The following ITGA2 variants were observed in gnomAD, a reference collection of about 807,000 sequenced individuals.
ITGA2 encodes the protein integrin alpha-2.
A neutral mutation model predicts 146.3 loss-of-function variants in ITGA2; 101 were observed. The observed-to-expected ratio is 0.69, with a 90% CI of 0.59 to 0.81. The LOEUF is 0.81. Ranked by LOEUF, ITGA2 falls within the 40% of genes least tolerant of loss-of-function variation. The pLI is 0.00. For synonymous variants in ITGA2, 477 were observed against 487.1 expected (o/e 0.98, Z 0.27); for missense variants, 1,281 against 1,402.7 (o/e 0.91, Z 1.39).
chr5:52,991,564 A>G (rs1740955533), intron 1 of ITGA2, among the ~76,000 whole-genome samples: 1 of 152,214 alleles, frequency 6.6e-6, no homozygotes, highest in Non-Finnish European at 1.5e-5. Flanking sequence ...TTCCTTGAGT[A>G]TACAATATGC....
intron 6 of ITGA2, among the ~76,000 whole-genome samples, chr5:53,049,115 G>T (rs10055919): frequency 0.11 from 16,978 of 151,866 alleles, 1,175 homozygotes; most frequent in African/African-American, 0.19. Context: ...GGGTTCAAGC[G>T]ATTCTTTTGC....
rs1745476205 is a variant in ITGA2 at position 53,073,101 on chromosome 5, C to T, written c.2430-17C>T. On this transcript the variant is annotated splice_polypyrimidine_tract_variant and intron_variant, in intron 19 of 29. Transcript: ENST00000296585. ...TAACAGTAATGGCTTTTCCCCCCTC[C>T]TTTTTACTTTTAACAGAGAACAACC... The T allele has an allele frequency of 6.2e-7, 1 of 1,610,634 alleles. No homozygotes were observed. Among genetic ancestry groups the T allele is most frequent in the African/African-American group, 1.3e-5 (1 of 74,712 alleles).
In ITGA2 at chr5:53,074,319, G is replaced by A. The variant is rs150573287; in HGVS notation, c.2572-66G>A. On this transcript the variant is annotated intron_variant, in intron 20 of 29. Transcript: ENST00000296585. ...AATGCCACTGTACCTCTTTTACCAG[G>A]TGCGTGCATACACACACAAATGTTG... The A allele has an allele frequency of 8.0e-5, 98 of 1,219,042 alleles. No homozygotes were observed. The African/African-American group carries it at 1.1e-3, about 13-fold the overall frequency. 75.5% of individuals were successfully genotyped at this position (1,219,042 alleles called of 1,614,324 possible).
At chr5:53,022,499 CTTAAA>C (rs1035103269) in intron 1 of ITGA2, among the ~76,000 whole-genome samples, 5 of 152,112 alleles carry the variant, frequency 3.3e-5, no homozygotes, top group Non-Finnish European at 7.4e-5. Context: ...AAAATTAATT[CTTAAA>C]TTATTGTTTC....
At chr5:53,068,527 T>C (rs887646080) in intron 16 of ITGA2, among the ~76,000 whole-genome samples, 3 of 151,912 alleles carry the variant, frequency 2.0e-5, no homozygotes, top group Admixed American at 6.6e-5. Flanking sequence ...TCAACCCTTA[T>C]GGTGATGCAC....
At chr5:53,023,241 T>C (rs765072205) in intron 1 of ITGA2, among the ~76,000 whole-genome samples, 10 of 152,220 alleles carry the variant, frequency 6.6e-5, no homozygotes, top group Non-Finnish European at 8.8e-5. Context: ...AAGCAACCTA[T>C]GACTCTCTGT....
chr5:53,047,560 T>A (rs1189220314), intron 4 of ITGA2, among the ~76,000 whole-genome samples: 1 of 152,144 alleles, frequency 6.6e-6, no homozygotes, highest in Non-Finnish European at 1.5e-5. Flanking sequence ...TGAACCTCAT[T>A]TGTGTTTGCT....
chr5:53,050,015 T>C (rs1361159444), intron 6 of ITGA2, among the ~76,000 whole-genome samples: 1 of 152,228 alleles, frequency 6.6e-6, no homozygotes, highest in Non-Finnish European at 1.5e-5. Flanking sequence ...GAAATTTCCC[T>C]GTGGGCATTT....
chr5:53,047,298 C>T (rs1336674891), intron 4 of ITGA2, among the ~76,000 whole-genome samples: 1 of 152,110 alleles, frequency 6.6e-6, no homozygotes, highest in African/African-American at 2.4e-5. Context: ...TTAGATTTCT[C>T]TTTTGCACTT....
chr5:53,065,522 A>G (rs1466043027), intron 14 of ITGA2, among the ~76,000 whole-genome samples: 1 of 151,870 alleles, frequency 6.6e-6, no homozygotes, highest in East Asian at 1.9e-4. Context: ...ATTTTGGAGT[A>G]AGACTGGAAG....
At chr5:53,066,114 C>A in intron 15 of ITGA2, 137 bp downstream of exon 15, 1 of 861,540 alleles carries the variant, frequency 1.2e-6, no homozygotes, top group Admixed American at 1.9e-5. Flanking sequence ...ATAGTTTGCA[C>A]AAAGGAATAA....
chr5:53,041,995 A>C (rs1743822224), intron 2 of ITGA2, 117 bp from the exon 3 acceptor site: 5 of 740,366 alleles, frequency 6.8e-6, no homozygotes, highest in African/African-American at 1.7e-5. Flanking sequence ...TCATAGCTGA[A>C]CAAATATAAA....
chr5:53,085,969 C>T (rs1746136848), intron 27 of ITGA2, among the ~76,000 whole-genome samples: 1 of 152,082 alleles, frequency 6.6e-6, no homozygotes, highest in East Asian at 1.9e-4. Context: ...AGTGCAGTGG[C>T]TTGATCTCAG....
At chr5:53,029,778 A>T (rs1459733254) in intron 2 of ITGA2, among the ~76,000 whole-genome samples, 1 of 152,210 alleles carries the variant, frequency 6.6e-6, no homozygotes, top group Non-Finnish European at 1.5e-5. Flanking sequence ...TGAGTAAAGG[A>T]TCAACAATTA....
intron 2 of ITGA2, among the ~76,000 whole-genome samples, chr5:53,039,739 C>CAAAAAA (rs1175067104): frequency 2.7e-4 from 9 of 33,254 alleles, no homozygotes; most frequent in South Asian, 1.5e-3. Context: ...GACTCCATCT[C>CAAAAAA]AAAAAAAAAA....
chr5:52,992,343 A>G (rs27504), intron 1 of ITGA2, among the ~76,000 whole-genome samples: 20,055 of 151,960 alleles, frequency 0.13, 1,485 homozygotes, highest in South Asian at 0.19. Context: ...CATTCCCTGC[A>G]CAGGTCCCTA....
chr5:53,081,072 C>A (rs998383511), intron 25 of ITGA2, among the ~76,000 whole-genome samples: 1 of 152,160 alleles, frequency 6.6e-6, no homozygotes, highest in African/African-American at 2.4e-5. Flanking sequence ...CTAACCCAGG[C>A]AATTAAATCA....
chr5:53,003,768 T>A (rs569412070), intron 1 of ITGA2, among the ~76,000 whole-genome samples: 149 of 152,302 alleles, frequency 9.8e-4, no homozygotes, highest in Non-Finnish European at 1.8e-3. Flanking sequence ...AACAAAGTAG[T>A]AACTTAATAA....
rs1427382775 is a variant in ITGA2, at chr5:53,075,230, A to T, written c.2751A>T (p.Gln917His). ...SLSFQALSES[Q>H]EENKADNLVN... ...ATGTTTCTTTCTATAGTGAAAGCCA[A>T]GAAGAAAACAAGGCTGATAATTTGG... Residue 917 changes from glutamine to histidine, a missense_variant, in exon 23 of 30, where the codon CAA becomes CAT. Transcript: ENST00000296585. 12 of 1,612,474 alleles carry T rather than the reference A, an allele frequency of 7.4e-6. No homozygotes were observed. In the African/African-American group the frequency reaches 1.5e-4, roughly 20 times the overall value.
Sources: allele counts gnomAD v4.1 joint callset (sites outside exome capture counted in the v4.1 genomes callset), GRCh38; gene constraint gnomAD v4.1.1; transcripts MANE v1.5; gene names NCBI Gene and HGNC (gene_info 2026-07-23, HGNC 2026-07-21).